The following C8A variants were observed in gnomAD, a reference collection of about 807,000 sequenced individuals.
C8A encodes the protein complement component C8 alpha chain.
In C8A, 67 loss-of-function variants were observed where a neutral mutation model predicts 65.3. That is an observed-to-expected ratio of 1.03 (90% confidence interval 0.84 to 1.26). The LOEUF is 1.26. Among genes scored for constraint, C8A ranks in the 50% most tolerant of loss-of-function variants. C8A has a pLI of 0.00. For synonymous variants in C8A, 290 were observed against 259.4 expected (o/e 1.12, Z -1.13); for missense variants, 781 against 723.9 (o/e 1.08, Z -0.90).
intron 1 of C8A, among the ~76,000 whole-genome samples, chr1:56,856,901 G>A (rs548114171): frequency 7.2e-5 from 11 of 152,124 alleles, no homozygotes; most frequent in African/African-American, 2.6e-4. Context: ...GTGATGGAAG[G>A]AAGTTATAAT....
chr1:56,891,372 G>T (rs898576213), intron 7 of C8A, among the ~76,000 whole-genome samples: 6 of 151,646 alleles, frequency 4.0e-5, no homozygotes, highest in African/African-American at 1.4e-4. Flanking sequence ...AGGTGTCAGA[G>T]GGTCTTACTG....
intron 6 of C8A, 141 bp from the exon 7 acceptor site, chr1:56,885,784 TTG>T (rs1644294631): frequency 9.3e-7 from 1 of 1,075,164 alleles, no homozygotes; most frequent in Admixed American, 1.9e-5. Flanking sequence ...TCTCCTGACC[TTG>T]TGATCCTCCA....
At chr1:56,869,647 C>T (rs978137833) in intron 2 of C8A, among the ~76,000 whole-genome samples, 1 of 152,158 alleles carries the variant, frequency 6.6e-6, no homozygotes, top group African/African-American at 2.4e-5. Flanking sequence ...TAAAACTGTT[C>T]CCTTTTCACC....
chr1:56,904,706 A>G (rs541502583), intron 7 of C8A, among the ~76,000 whole-genome samples: 4 of 152,176 alleles, frequency 2.6e-5, no homozygotes, highest in Non-Finnish European at 2.9e-5. Flanking sequence ...TATAAATGAA[A>G]AGTATGAGCT....
Position 56,917,849 on chromosome 1 carries a change from C to G in C8A, c.*133C>G. On this transcript the variant is annotated 3_prime_UTR_variant, in exon 11 of 11. Coordinates refer to ENST00000361249, the MANE Select transcript of C8A (RefSeq NM_000562.3). ...TTTCTTTGTTCTGCCAGCTTCCAGG[C>G]CTAAGACTAGGTTTTGCTGTCTACA... is the stretch of plus-strand genomic sequence containing the variant. 9.0e-7 allele frequency: 1 copy of G among 1,111,448 alleles called. No homozygotes were observed. The highest frequency in any genetic ancestry group is 2.6e-5 in the East Asian group (1 of 38,838). The allele number at this position is 1,111,448 out of a possible 1,614,324, so 68.8% of individuals were successfully genotyped here.
chr1:56,879,552 T>C (rs548385751), intron 4 of C8A, among the ~76,000 whole-genome samples: 3 of 152,274 alleles, frequency 2.0e-5, no homozygotes, highest in East Asian at 3.9e-4. Flanking sequence ...GTCAGGAAGA[T>C]AGAAACTTCA....
Position 56,908,064 on chromosome 1 carries a change from G to A in C8A, c.1331G>A (p.Arg444His), listed in dbSNP as rs143908758. 5,625 of 1,614,134 alleles carry A rather than the reference G, an allele frequency of 3.5e-3. 12 individuals are homozygous for A. Among genetic ancestry groups the A allele is most frequent in the Non-Finnish European group, 3.9e-3 (4,635 of 1,180,000 alleles). ...CAGAACAGGAGCACCATTACATACC[G>A]TTCCTGGGGGAGGTCATTAAAGTAT... ...LAQNRSTITY[R>H]SWGRSLKYNP... The change falls in exon 9 of 11, where the codon CGT (arginine) becomes CAT (histidine). Residue 444 changes from arginine to histidine, a missense_variant. Coordinates refer to ENST00000361249, the MANE Select transcript of C8A (RefSeq NM_000562.3).
chr1:56,905,431 G>A (rs1035404687), intron 7 of C8A, among the ~76,000 whole-genome samples: 1 of 152,092 alleles, frequency 6.6e-6, no homozygotes, highest in Non-Finnish European at 1.5e-5. Context: ...AAAGACTCGG[G>A]GCATTCATTT....
intron 1 of C8A, among the ~76,000 whole-genome samples, chr1:56,865,373 G>A (rs1469680422): frequency 2.0e-5 from 3 of 152,174 alleles, no homozygotes; most frequent in Non-Finnish European, 4.4e-5. Flanking sequence ...CTACTTCTTC[G>A]GTTAACAGGT....
At position 56,854,879 on chromosome 1, in the gene C8A, T is replaced by C. The variant is rs766792632; in HGVS notation, c.-23T>C. On this transcript the variant is annotated 5_prime_UTR_variant, in exon 1 of 11. Coordinates refer to ENST00000361249, the MANE Select transcript of C8A (RefSeq NM_000562.3). ...ATAGCTTTATTCCTTCAAGGTAATA[T>C]AGTGCGGTGGCTTCTGGCTGAGATG... is the stretch of plus-strand genomic sequence containing the variant. 3.1e-6 allele frequency: 5 copies of C among 1,606,614 alleles called. No individual in the cohort carries two copies. Among genetic ancestry groups the C allele is most frequent in the South Asian group, 2.2e-5 (2 of 90,296 alleles).
chr1:56,855,021 C>T (rs1643959841), intron 1 of C8A, 43 bp downstream of exon 1: 2 of 1,437,312 alleles, frequency 1.4e-6, no homozygotes, highest in Non-Finnish European at 2.0e-6. Flanking sequence ...ACGTAGGAAT[C>T]ACCTGCTGGG....
At position 56,881,446 on chromosome 1, in the gene C8A, T is replaced by C. The variant is rs1324346179; in HGVS notation, c.466T>C (p.Tyr156His). 4 of 1,613,534 alleles carry C rather than the reference T, an allele frequency of 2.5e-6. No homozygotes were observed. Among genetic ancestry groups the C allele is most frequent in the Non-Finnish European group, 3.4e-6 (4 of 1,179,590 alleles). ...IPGSQKAALGYNILTQEDAQS... is the reference protein window; with the variant it reads ...IPGSQKAALGHNILTQEDAQS... ...TAGAAGCTGCTTTGTTCCATGTAGG[T>C]ACAATATCCTGACCCAGGAAGATGC... The change falls in exon 5 of 11, where the codon TAC (tyrosine) becomes CAC (histidine). Residue 156 changes from tyrosine (Y) to histidine (H), a missense_variant and splice_region_variant. Transcript: ENST00000361249.
intron 1 of C8A, 99 bp from the exon 2 acceptor site, chr1:56,867,510 T>A: frequency 1.2e-6 from 1 of 830,148 alleles, no homozygotes; most frequent in Non-Finnish European, 2.1e-6. Flanking sequence ...TCCTCATTTC[T>A]TCCAAACCAT....
At chr1:56,899,196 CCTT>C (rs1418663433) in intron 7 of C8A, among the ~76,000 whole-genome samples, 1 of 152,132 alleles carries the variant, frequency 6.6e-6, no homozygotes, top group Non-Finnish European at 1.5e-5. Flanking sequence ...TCAGCACCAT[CCTT>C]CTGATTTTGT....
chr1:56,917,285 A>G (rs1450158920), intron 10 of C8A, among the ~76,000 whole-genome samples: 3 of 152,226 alleles, frequency 2.0e-5, no homozygotes, highest in Non-Finnish European at 2.9e-5. Flanking sequence ...CCTCAGTAGC[A>G]GCTCTGCAAC....
Position 56,881,487 on chromosome 1 carries a change from T to G in C8A, c.507T>G (p.Asp169Glu). 6.2e-7 allele frequency: 1 copy of G among 1,613,784 alleles called. No homozygotes were observed. The highest frequency in any genetic ancestry group is 8.5e-7 in the Non-Finnish European group (1 of 1,179,740). ...AGGAAGATGCTCAGAGTGTGTACGATGCCAGTTATTATGGGGGCCAGTGTG... is the reference window on the plus strand; with the variant it reads ...AGGAAGATGCTCAGAGTGTGTACGAGGCCAGTTATTATGGGGGCCAGTGTG... The part of the protein sequence containing the change: ...LTQEDAQSVY[D>E]ASYYGGQCET... Residue 169 changes from aspartate (D) to glutamate (E), a missense_variant, in exon 5 of 11, where the codon GAT (aspartate) becomes GAG (glutamate). Coordinates refer to ENST00000361249, the MANE Select transcript of C8A (RefSeq NM_000562.3).
chr1:56,876,986 G>A (rs1177873993), intron 4 of C8A, among the ~76,000 whole-genome samples: 1 of 152,176 alleles, frequency 6.6e-6, no homozygotes, highest in Non-Finnish European at 1.5e-5. Flanking sequence ...TTTTAGAGAG[G>A]TAATTAAGGT....
chr1:56,881,385 T>C, intron 4 of C8A, 60 bp from the exon 5 acceptor site: 1 of 1,548,050 alleles, frequency 6.5e-7, no homozygotes. Flanking sequence ...GATCATCCCA[T>C]CACCCAGGTA....
chr1:56,885,565 G>T (rs188323392), intron 6 of C8A, among the ~76,000 whole-genome samples: 3,760 of 128,018 alleles, frequency 0.029, 96 homozygotes, highest in Non-Finnish European at 0.044. Context: ...GTTTTTTTTT[G>T]TTTGTTTTTT....
Sources: allele counts gnomAD v4.1 joint callset (sites outside exome capture counted in the v4.1 genomes callset), GRCh38; gene constraint gnomAD v4.1.1; transcripts MANE v1.5; gene names NCBI Gene and HGNC (gene_info 2026-07-23, HGNC 2026-07-21).